MTMR3: variants seen among roughly 807,000 people sequenced by gnomAD.
The protein encoded by MTMR3 is myotubularin related protein 3, also known as phosphatidylinositol-3,5-bisphosphate 3-phosphatase MTMR3.
Under a neutral mutation model 132.4 loss-of-function variants are expected in MTMR3, and 32 were observed. The observed-to-expected ratio is 0.24, with a 90% confidence interval of 0.18 to 0.32. MTMR3 has a LOEUF of 0.32. Among genes scored for constraint, MTMR3 ranks in the 10% least tolerant of loss-of-function variants. The pLI, the probability that MTMR3 is intolerant of heterozygous loss-of-function variation, is 1.00. For missense variants in MTMR3, 1,216 were observed against 1,489.6 expected, an observed-to-expected ratio of 0.82 and a Z score of 3.02; for synonymous variants, 556 against 550.3, an observed-to-expected ratio of 1.01 and a Z score of -0.14.
chr22:29,889,790 C>T (rs1476099248), intron 1 of MTMR3, among the ~76,000 whole-genome samples: 1 of 151,362 alleles, frequency 6.6e-6, no homozygotes, highest in Non-Finnish European at 1.5e-5. Context: ...TATAGCAGTT[C>T]TGTGTTATTA....
rs555586907 is a variant in MTMR3 at position 29,912,746 on chromosome 22, G to C, written c.-138+29387G>C. Among the ~76,000 whole-genome samples the C allele has an allele frequency of 3.3e-5, 5 of 152,320 alleles. No homozygotes were observed. In the East Asian group the frequency reaches 5.8e-4, roughly 18 times the overall value. ...ATAGGATCAATGTGTAGGAGCTGCAGAGAATATGAAGGACTTTTAAATATT... is the reference window on the plus strand; with the variant it reads ...ATAGGATCAATGTGTAGGAGCTGCACAGAATATGAAGGACTTTTAAATATT... On this transcript the variant is annotated intron_variant, in intron 1 of 19. Coordinates refer to ENST00000401950, the MANE Select transcript of MTMR3 (RefSeq NM_021090.4).
intron 1 of MTMR3, among the ~76,000 whole-genome samples, chr22:29,908,423 T>C (rs976165207): frequency 2.0e-5 from 3 of 152,226 alleles, no homozygotes; most frequent in African/African-American, 4.8e-5. Context: ...CTTACTAGCA[T>C]TGCACACTTT....
At chr22:29,962,968 G>A (rs968176512) in intron 2 of MTMR3, among the ~76,000 whole-genome samples, 27 of 145,690 alleles carry the variant, frequency 1.9e-4, no homozygotes, top group African/African-American at 6.7e-4. Context: ...CTGGTGTGCC[G>A]TGGCATGAAG....
intron 19 of MTMR3, chr22:30,023,705 C>T: frequency 1.8e-6 from 1 of 562,176 alleles, no homozygotes; most frequent in Non-Finnish European, 3.2e-6. Flanking sequence ...TCACAGAGGT[C>T]AGCCAGGCCG....
intron 1 of MTMR3, among the ~76,000 whole-genome samples, chr22:29,912,948 A>G (rs1317495276): frequency 6.6e-6 from 1 of 152,088 alleles, no homozygotes. Context: ...GCTCCATCGA[A>G]AGGGTCTTAG....
At chr22:29,994,053 G>C in intron 7 of MTMR3, 1 of 942,064 alleles carries the variant, frequency 1.1e-6, no homozygotes, top group Non-Finnish European at 1.3e-6. Flanking sequence ...TGCCCAGGCT[G>C]ATCCAGGTAT....
At chr22:29,936,505 G>A (rs182658065) in intron 1 of MTMR3, among the ~76,000 whole-genome samples, 1 of 152,224 alleles carries the variant, frequency 6.6e-6, no homozygotes. Context: ...GAGCCTGAGA[G>A]TTTAATGGAA....
intron 1 of MTMR3, among the ~76,000 whole-genome samples, chr22:29,932,801 A>AT (rs946576037): frequency 1.6e-4 from 24 of 152,278 alleles, no homozygotes; most frequent in African/African-American, 5.8e-4. Flanking sequence ...TATAGAAATA[A>AT]TATAAGGAAC....
At chr22:29,936,186 T>C (rs2065747090) in intron 1 of MTMR3, among the ~76,000 whole-genome samples, 1 of 152,252 alleles carries the variant, frequency 6.6e-6, no homozygotes, top group Non-Finnish European at 1.5e-5. Flanking sequence ...GGCTGAAGAA[T>C]AAAATATTCC....
chr22:29,953,983 G>T (rs1209382395), intron 1 of MTMR3, among the ~76,000 whole-genome samples: 1 of 150,556 alleles, frequency 6.6e-6, no homozygotes, highest in Non-Finnish European at 1.5e-5. Flanking sequence ...GGTATCATGG[G>T]AAGGTACCTT....
intron 2 of MTMR3, among the ~76,000 whole-genome samples, chr22:29,969,785 C>T (rs1385324848): frequency 6.6e-6 from 1 of 152,146 alleles, no homozygotes; most frequent in Non-Finnish European, 1.5e-5. Context: ...CTGCCTTGGC[C>T]TCCCAGAATG....
At chr22:29,902,253 G>A (rs1048237565) in intron 1 of MTMR3, among the ~76,000 whole-genome samples, 1 of 151,996 alleles carries the variant, frequency 6.6e-6, no homozygotes, top group Non-Finnish European at 1.5e-5. Flanking sequence ...AATTAAAGAA[G>A]TACACACACA....
chr22:30,023,870 T>C, intron 19 of MTMR3: 1 of 201,272 alleles, frequency 5.0e-6, no homozygotes, highest in South Asian at 7.8e-5. Flanking sequence ...GCTTCTTTTT[T>C]CCCTTTTTTT....
chr22:30,025,534 C>G (rs1368074553), intron 19 of MTMR3, 96 bp from the exon 20 acceptor site: 2 of 1,336,918 alleles, frequency 1.5e-6, no homozygotes, highest in African/African-American at 1.4e-5. Flanking sequence ...CCAGCACATG[C>G]AAATTACACA....
At chr22:30,018,967 G>T (rs1228881845) in intron 16 of MTMR3, 1 of 152,726 alleles carries the variant, frequency 6.5e-6, no homozygotes, top group African/African-American at 2.4e-5. Context: ...ACTTTGGGAG[G>T]CCAAGGTGGG....
intron 7 of MTMR3, 168 bp downstream of exon 7, chr22:29,991,838 T>G: frequency 1.6e-6 from 1 of 638,538 alleles, no homozygotes; most frequent in Non-Finnish European, 2.4e-6. Flanking sequence ...GAACATCTTT[T>G]CTGCCTTCCG....
At position 29,978,971 on chromosome 22, in the gene MTMR3, G is replaced by C; in HGVS notation, c.129G>C (p.Glu43Asp). The C allele has an allele frequency of 6.2e-7, 1 of 1,613,912 alleles. No homozygotes were observed. Among genetic ancestry groups the C allele is most frequent in the South Asian group, 1.1e-5 (1 of 91,080 alleles). Residue 43 changes from glutamate (E) to aspartate (D), a missense_variant, in exon 5 of 20, where the codon GAG becomes GAC. By Grantham distance (45) the Glu-to-Asp change is conservative. Coordinates refer to ENST00000401950, the MANE Select transcript of MTMR3 (RefSeq NM_021090.4). ...TTGAACTTCATGGAGAGAGCACAGAGTTTGTGGGCCGTGCCGAGGATGCCA... is the reference window on the plus strand; with the variant it reads ...TTGAACTTCATGGAGAGAGCACAGACTTTGTGGGCCGTGCCGAGGATGCCA... ...PFLELHGESTEFVGRAEDAII... is the reference protein window; with the variant it reads ...PFLELHGESTDFVGRAEDAII...
intron 3 of MTMR3, among the ~76,000 whole-genome samples, chr22:29,976,413 G>T (rs913444980): frequency 3.3e-5 from 5 of 151,974 alleles, no homozygotes; most frequent in African/African-American, 7.3e-5. Flanking sequence ...AAAAAAAATG[G>T]CTAGTTCATC....
intron 2 of MTMR3, among the ~76,000 whole-genome samples, chr22:29,960,466 A>T (rs1401363693): frequency 1.3e-5 from 2 of 152,250 alleles, no homozygotes; most frequent in Non-Finnish European, 2.9e-5. Context: ...GCACGTGCAT[A>T]TGCGCGAACA....
Sources: gnomAD v4.1 joint callset for allele counts (sites outside exome capture counted in the v4.1 genomes callset) on GRCh38, gnomAD v4.1.1 for gene constraint, MANE v1.5 for transcripts, NCBI Gene and HGNC (gene_info 2026-07-23, HGNC 2026-07-21) for gene names.